MPP7: variants seen among roughly 807,000 people sequenced by gnomAD.
MPP7 encodes the protein MAGUK p55 scaffold protein 7, also known as MAGUK p55 subfamily member 7.
Under a neutral mutation model 76.5 loss-of-function variants are expected in MPP7, and 60 were observed. The observed-to-expected ratio is 0.78, with a 90% CI of 0.64 to 0.97. The LOEUF (loss-of-function observed/expected upper bound fraction) is 0.97. MPP7 is among the 50% of genes least tolerant of loss of function. The probability of loss-of-function intolerance (pLI) is 0.00; values close to 1 mark genes in which losing one functional copy is unlikely to be tolerated. For missense variants in MPP7, 641 were observed against 694.0 expected (o/e 0.92, Z 0.86); for synonymous variants, 237 against 244.5 (o/e 0.97, Z 0.29).
Position 28,270,532 on chromosome 10 carries a change from A to AAAG in MPP7, c.-131-31798_-131-31797insCTT, listed in dbSNP as rs1304530937. ...AAGACTATCTCTTTAAAAAAAAAAA[A>AAAG]GGGGGGGGGGGAGGAGGGGAGCTGG... On this transcript the variant is annotated intron_variant, in intron 1 of 16. Coordinates refer to ENST00000683449, the MANE Select transcript of MPP7 (RefSeq NM_001318170.2). 4.6e-3 allele frequency among the ~76,000 whole-genome samples: 71 copies of AAAG among 15,498 alleles called. 4 individuals are homozygous for AAAG. The highest frequency in any genetic ancestry group is 0.05 in the Middle Eastern group (1 of 20). The allele number at this position is 15,498 out of a possible 152,430, so 10.2% of individuals were successfully genotyped here. A position where few individuals can be genotyped will look rare whatever the true frequency, so the allele number is the denominator to read the frequency against.
intron 11 of MPP7, among the ~76,000 whole-genome samples, chr10:28,090,933 G>A (rs1853267071): frequency 6.6e-6 from 1 of 152,182 alleles, no homozygotes; most frequent in Non-Finnish European, 1.5e-5. Context: ...GATCGCTTGA[G>A]CCCAGGAGTT....
chr10:28,180,433 C>A (rs533944457), intron 3 of MPP7, among the ~76,000 whole-genome samples: 3 of 152,148 alleles, frequency 2.0e-5, no homozygotes, highest in South Asian at 2.1e-4. Context: ...CAAGTTTTGA[C>A]AAGAAAATGA....
intron 1 of MPP7, among the ~76,000 whole-genome samples, chr10:28,276,436 T>C (rs536096548): frequency 6.6e-6 from 1 of 152,234 alleles, no homozygotes; most frequent in East Asian, 1.9e-4. Context: ...TAATCTAATA[T>C]AGTCCAGCCC....
rs11369879 is a variant in MPP7 at position 28,320,405 on chromosome 10, AT to A, written c.-132+9523del. Among the ~76,000 whole-genome samples, 3 of 150,518 alleles carry A rather than the reference AT, an allele frequency of 2.0e-5. No individual in the cohort carries two copies. The East Asian group carries it at 5.8e-4, about 29-fold the overall frequency. On this transcript the variant is annotated intron_variant, in intron 2 of 11. Transcript: ENST00000441595. ...CTAAAATCAATAGAAGTTACTGAAG[AT>A]TTTTTTTTTAGCTTGCCAGGAAAAT...
chr10:28,092,571 A>G (rs958342741), intron 11 of MPP7, among the ~76,000 whole-genome samples: 4 of 112,514 alleles, frequency 3.6e-5, no homozygotes, highest in Non-Finnish European at 5.1e-5. Context: ...AACCCAGAAA[A>G]GGGACCTTTT....
chr10:28,123,767 C>G (rs1445498863), intron 8 of MPP7, among the ~76,000 whole-genome samples: 1 of 152,062 alleles, frequency 6.6e-6, no homozygotes, highest in Admixed American at 6.5e-5. Context: ...CCACCACACT[C>G]GGCCCTAAAA....
At chr10:28,221,496 T>G (rs1172246512) in intron 2 of MPP7, among the ~76,000 whole-genome samples, 1 of 152,134 alleles carries the variant, frequency 6.6e-6, no homozygotes, top group Non-Finnish European at 1.5e-5. Context: ...TGGTGAGGAA[T>G]TATTCTACCA....
chr10:28,305,344 A>G (rs1186597813), upstream of MPP7: 1 of 152,208 alleles, frequency 6.6e-6, no homozygotes, highest in Non-Finnish European at 1.5e-5. Flanking sequence ...CTGACGGGCA[A>G]CATCGAGTTG....
chr10:28,239,362 G>C (rs1170714359), intron 1 of MPP7, among the ~76,000 whole-genome samples: 3 of 151,784 alleles, frequency 2.0e-5, no homozygotes, highest in Non-Finnish European at 4.4e-5. Context: ...GGCCAGGCTG[G>C]TCTTGAACTC....
rs575464424 is a variant in MPP7, at chr10:28,236,421, GA to G, written c.37+2146del. Among the ~76,000 whole-genome samples the G allele has an allele frequency of 1.6e-4, 24 of 151,980 alleles. No homozygotes were observed. The East Asian group carries it at 4.5e-3, about 28-fold the overall frequency. Reference sequence around the variant, plus strand: ...CTCTCCAAGAATATAGCTTGGTGTAGAAAAAAAGCTGAAGAATAATAAATAG... The same window carrying G: ...CTCTCCAAGAATATAGCTTGGTGTAGAAAAAAGCTGAAGAATAATAAATAG... On this transcript the variant is annotated intron_variant, in intron 2 of 16. Transcript: ENST00000683449.
chr10:28,126,884 G>T (rs1835033847), intron 6 of MPP7, among the ~76,000 whole-genome samples: 1 of 152,126 alleles, frequency 6.6e-6, no homozygotes, highest in African/African-American at 2.4e-5. Flanking sequence ...AGCTAGCCAA[G>T]TAAAGGTAAC....
intron 1 of MPP7, among the ~76,000 whole-genome samples, chr10:28,264,217 G>A (rs992263240): frequency 2.0e-5 from 3 of 152,060 alleles, no homozygotes; most frequent in African/African-American, 7.2e-5. Flanking sequence ...GAGGATGGCA[G>A]GAGTTCAAGG....
intron 1 of MPP7, among the ~76,000 whole-genome samples, chr10:28,287,810 C>T (rs1229643601): frequency 6.6e-6 from 1 of 152,090 alleles, no homozygotes; most frequent in Non-Finnish European, 1.5e-5. Flanking sequence ...CCAAATGATA[C>T]ATGAGTAAGA....
chr10:28,121,128 C>A (rs924370237), intron 8 of MPP7, among the ~76,000 whole-genome samples: 1 of 152,010 alleles, frequency 6.6e-6, no homozygotes, highest in Non-Finnish European at 1.5e-5. Flanking sequence ...TATAGCAAAA[C>A]CCCTGTCTCT....
intron 2 of MPP7, among the ~76,000 whole-genome samples, chr10:28,327,531 T>C: frequency 6.6e-6 from 1 of 152,338 alleles, no homozygotes; most frequent in Middle Eastern, 3.4e-3. Context: ...TTTTTTTTAA[T>C]TTAACAGTTT....
At chr10:28,139,065 G>T (rs911127850) in intron 5 of MPP7, among the ~76,000 whole-genome samples, 1 of 152,116 alleles carries the variant, frequency 6.6e-6, no homozygotes, top group East Asian at 1.9e-4. Context: ...ATGAAGGGAC[G>T]AACATAGAAA....
chr10:28,202,091 G>A, intron 3 of MPP7, 62 bp downstream of exon 3: 1 of 1,133,000 alleles, frequency 8.8e-7, no homozygotes, highest in South Asian at 1.3e-5. Context: ...TTTACTTGGT[G>A]GTGCCCCAAA....
intron 5 of MPP7, among the ~76,000 whole-genome samples, chr10:28,138,216 G>A (rs1334915580): frequency 6.6e-6 from 1 of 152,228 alleles, no homozygotes. Flanking sequence ...CCCCCGGAAT[G>A]ATGACTCATA....
intron 2 of MPP7, among the ~76,000 whole-genome samples, chr10:28,216,066 C>T (rs1588937485): frequency 6.6e-6 from 1 of 151,982 alleles, no homozygotes; most frequent in Admixed American, 6.6e-5. Context: ...TCACACCTGC[C>T]GCACCCTCCC....
Sources: gnomAD v4.1 joint callset for allele counts (sites outside exome capture counted in the v4.1 genomes callset) on GRCh38, gnomAD v4.1.1 for gene constraint, MANE v1.5 for transcripts, NCBI Gene and HGNC (gene_info 2026-07-23, HGNC 2026-07-21) for gene names.